BCAS3: variants seen among roughly 807,000 people sequenced by gnomAD.
The protein encoded by BCAS3 is BCAS3 microtubule associated cell migration factor.
A neutral mutation model predicts 116.1 loss-of-function variants in BCAS3; 53 were observed. That is an observed-to-expected ratio of 0.46 (90% CI 0.37 to 0.57). BCAS3 has a LOEUF of 0.57. Among genes scored for constraint, BCAS3 ranks in the 20% least tolerant of loss-of-function variants. The pLI, the probability that BCAS3 is intolerant of heterozygous loss-of-function variation, is 0.00. For missense variants in BCAS3, 917 were observed against 1,165.4 expected, an observed-to-expected ratio of 0.79 and a Z score of 3.10; for synonymous variants, 391 against 408.2, an observed-to-expected ratio of 0.96 and a Z score of 0.51.
intron 22 of BCAS3, among the ~76,000 whole-genome samples, chr17:61,299,461 A>G (rs984363496): frequency 4.8e-5 from 7 of 144,650 alleles, no homozygotes; most frequent in East Asian, 1.9e-4. Flanking sequence ...AAAAAAAAAA[A>G]AAAAAGAAAA....
intron 5 of BCAS3, among the ~76,000 whole-genome samples, chr17:60,712,365 G>C (rs2038039515): frequency 6.7e-6 from 1 of 149,836 alleles, no homozygotes; most frequent in Non-Finnish European, 1.5e-5. Flanking sequence ...GACAGAGTGA[G>C]ATCTTGTCTT....
Position 61,189,457 on chromosome 17 carries a change from G to T in BCAS3, c.2425+104893G>T, listed in dbSNP as rs930160320. 1.3e-5 allele frequency among the ~76,000 whole-genome samples: 2 copies of T among 152,128 alleles called. No individual in the cohort carries two copies. The highest frequency in any genetic ancestry group is 2.4e-5 in the African/African-American group (1 of 41,406). Reference sequence around the variant, plus strand: ...TTATATCCTATAAGGATGGAGAAGGGTCTTAGGCAGAAGAGGAGTGACAGC... The same window carrying T: ...TTATATCCTATAAGGATGGAGAAGGTTCTTAGGCAGAAGAGGAGTGACAGC... On this transcript the variant is annotated intron_variant, in intron 22 of 23. Coordinates refer to ENST00000407086, the MANE Select transcript of BCAS3 (RefSeq NM_017679.5). This position sits in a 1 kb window ranked among gnomAD's most constrained non-coding sequence, Gnocchi z 4.5.
chr17:61,358,526 G>A (rs1353299078), intron 22 of BCAS3, among the ~76,000 whole-genome samples: 4 of 129,012 alleles, frequency 3.1e-5, no homozygotes, highest in African/African-American at 8.5e-5. Context: ...TTTTGAGACA[G>A]TGTCTCCCTC....
chr17:61,080,096 A>G (rs1237611020), intron 21 of BCAS3, among the ~76,000 whole-genome samples: 6 of 140,800 alleles, frequency 4.3e-5, no homozygotes, highest in South Asian at 2.3e-4. Flanking sequence ...GTAGAGATGG[A>G]GTTTCACTAT....
chr17:60,707,554 A>C (rs1177140155), intron 4 of BCAS3, among the ~76,000 whole-genome samples: 1 of 152,188 alleles, frequency 6.6e-6, no homozygotes, highest in East Asian at 1.9e-4. Flanking sequence ...TAGGGCCTCT[A>C]GTACAGTGTT....
chr17:60,914,065 A>G (rs568246984), intron 12 of BCAS3, among the ~76,000 whole-genome samples: 1 of 152,298 alleles, frequency 6.6e-6, no homozygotes, highest in Non-Finnish European at 1.5e-5. Context: ...TATTCATAAT[A>G]ATTTAATAGC....
chr17:61,231,976 G>A (rs537984524), intron 22 of BCAS3, among the ~76,000 whole-genome samples: 1 of 151,624 alleles, frequency 6.6e-6, no homozygotes, highest in Non-Finnish European at 1.5e-5. Context: ...GGAGGCCGAG[G>A]GGGGTGGATC....
chr17:61,294,347 C>T (rs766636035), intron 22 of BCAS3, among the ~76,000 whole-genome samples: 15 of 152,118 alleles, frequency 9.9e-5, no homozygotes, highest in Non-Finnish European at 1.8e-4. Context: ...CAAGGAACTT[C>T]CCACCAGCCT....
In BCAS3 at chr17:61,021,390, G is replaced by A. The variant is rs1403908026; in HGVS notation, c.1637+5489G>A. Among the ~76,000 whole-genome samples the A allele has an allele frequency of 1.3e-5, 2 of 152,076 alleles. No individual in the cohort carries two copies. The highest frequency in any genetic ancestry group is 4.8e-5 in the African/African-American group (2 of 41,404). ...TATTCATTTCTTTGTGAAGATTTAGGTGGTTATTAGGAAGCTTCAGATGCA... is the reference window on the plus strand; with the variant it reads ...TATTCATTTCTTTGTGAAGATTTAGATGGTTATTAGGAAGCTTCAGATGCA... On this transcript the variant is annotated intron_variant, in intron 16 of 23. Transcript: ENST00000407086. This position sits in a 1 kb window ranked among gnomAD's most constrained non-coding sequence, Gnocchi z 4.6.
rs752809769 is a variant in BCAS3, at chr17:60,891,628, C to T, written c.738+1857C>T. ...CTCTTTCAGTGAAAATGCTCTTTGACTATAAAATCTTAAGAAGCCGTATAT... is the reference window on the plus strand; with the variant it reads ...CTCTTTCAGTGAAAATGCTCTTTGATTATAAAATCTTAAGAAGCCGTATAT... On this transcript the variant is annotated intron_variant, in intron 10 of 23. Transcript: ENST00000407086. 595 of 451,968 alleles carry T rather than the reference C, an allele frequency of 1.3e-3. 2 individuals carry two copies. Among genetic ancestry groups the T allele is most frequent in the Non-Finnish European group, 2.3e-3 (509 of 225,350 alleles). 28.0% of individuals were successfully genotyped at this position (451,968 alleles called of 1,614,324 possible).
rs2081093427 is a variant in BCAS3, at chr17:61,205,902, G to T, written c.2425+121338G>T. ...TAAGGCAAACACAACCAAAAAGACA[G>T]CCCTTTTGCTTAGTTAGGAAGATAA... On this transcript the variant is annotated intron_variant, in intron 22 of 23. Transcript: ENST00000407086. The surrounding 1 kb of genome is among the most constrained non-coding windows in gnomAD (Gnocchi z 5.2). Among the ~76,000 whole-genome samples the T allele has an allele frequency of 1.3e-5, 2 of 152,168 alleles. No individual in the cohort carries two copies. The highest frequency in any genetic ancestry group is 4.1e-4 in the South Asian group (2 of 4,834).
chr17:61,310,331 A>G (rs1240783312), intron 22 of BCAS3, among the ~76,000 whole-genome samples: 1 of 152,194 alleles, frequency 6.6e-6, no homozygotes, highest in African/African-American at 2.4e-5. Context: ...CAGCACGTGG[A>G]TCACCTGAGG....
chr17:61,045,804 A>C (rs1318447853), intron 19 of BCAS3, among the ~76,000 whole-genome samples: 6 of 96,160 alleles, frequency 6.2e-5, no homozygotes, highest in African/African-American at 2.5e-4. Context: ...CAACAGAGTG[A>C]GTGAGACTTC....
At chr17:61,010,068 CTTTTTTTTTT>C (rs1189821266) in intron 15 of BCAS3, among the ~76,000 whole-genome samples, 1 of 111,046 alleles carries the variant, frequency 9.0e-6, no homozygotes, top group African/African-American at 3.4e-5. Flanking sequence ...CAGACTCTGT[CTTTTTTTTTT>C]TTTTTTTTTT....
At chr17:60,975,154 A>C (rs967086274) in intron 14 of BCAS3, among the ~76,000 whole-genome samples, 1 of 151,454 alleles carries the variant, frequency 6.6e-6, no homozygotes, top group Non-Finnish European at 1.5e-5. Context: ...GGCGCCCGCC[A>C]CCGCGCCCGG....
chr17:60,891,617 A>G, intron 10 of BCAS3: 2 of 450,074 alleles, frequency 4.4e-6, no homozygotes, highest in South Asian at 3.1e-5. Context: ...TTCAGTGAAA[A>G]TGCTCTTTGA....
chr17:60,713,304 G>A (rs7213567), intron 5 of BCAS3, among the ~76,000 whole-genome samples: 15,654 of 152,220 alleles, frequency 0.1, 2,469 homozygotes, highest in African/African-American at 0.34. Context: ...AATACTCATA[G>A]TTATCTTTTA....
chr17:61,353,085 T>G (rs1180567108), intron 22 of BCAS3, among the ~76,000 whole-genome samples: 1 of 152,148 alleles, frequency 6.6e-6, no homozygotes, highest in Non-Finnish European at 1.5e-5. Context: ...GAATGTCTGC[T>G]GGATAGACAA....
intron 11 of BCAS3, 45 bp downstream of exon 11, chr17:60,902,748 A>G (rs373912362): frequency 1.6e-5 from 22 of 1,369,268 alleles, no homozygotes; most frequent in African/African-American, 5.7e-5. Context: ...ATGTGTAGTA[A>G]TTGTTCAGAT....
Sources: allele counts gnomAD v4.1 joint callset (sites outside exome capture counted in the v4.1 genomes callset), GRCh38; gene constraint gnomAD v4.1.1; non-coding constraint Gnocchi (gnomAD v3.1); transcripts MANE v1.5; gene names NCBI Gene and HGNC (gene_info 2026-07-23, HGNC 2026-07-21).